The following CACNA2D3 variants were observed in gnomAD, a reference collection of about 807,000 sequenced individuals.
The protein encoded by CACNA2D3 is calcium voltage-gated channel auxiliary subunit alpha2delta 3, also known as voltage-dependent calcium channel subunit alpha-2/delta-3.
Under a neutral mutation model 160.6 loss-of-function variants are expected in CACNA2D3, and 60 were observed. The ratio of observed to expected loss-of-function variants is 0.37; its 90% CI spans 0.30 to 0.46. The LOEUF is 0.46. Among genes scored for constraint, CACNA2D3 ranks in the 20% least tolerant of loss-of-function variants. The probability of loss-of-function intolerance (pLI) is 1.00; values close to 1 mark genes in which losing one functional copy is unlikely to be tolerated. For missense variants in CACNA2D3, 1,205 were observed against 1,365.0 expected (o/e 0.88, Z 1.85); for synonymous variants, 558 against 492.9 (o/e 1.13, Z -1.75).
chr3:54,711,361 G>T (rs1169582175), intron 11 of CACNA2D3, among the ~76,000 whole-genome samples: 1 of 152,152 alleles, frequency 6.6e-6, no homozygotes, highest in Admixed American at 6.5e-5. Context: ...AGCAGTTCTG[G>T]AGCTGGCTAA....
chr3:54,774,346 G>A (rs560482113), intron 13 of CACNA2D3, among the ~76,000 whole-genome samples: 12 of 152,252 alleles, frequency 7.9e-5, no homozygotes, highest in Non-Finnish European at 1.3e-4. Flanking sequence ...TACAATCATC[G>A]TGGAAGGCAA....
rs371305782 is a variant in CACNA2D3, at chr3:54,702,891, C to G, written c.1168-49708C>G. 3.9e-5 allele frequency among the ~76,000 whole-genome samples: 6 copies of G among 152,286 alleles called. No homozygotes were observed. The East Asian group carries it at 5.8e-4, about 15-fold the overall frequency. Reference sequence around the variant, plus strand: ...GGTACATACACATCATGGAATACTACATAGCCATAAAAAGAATGAAATCAC... The same window carrying G: ...GGTACATACACATCATGGAATACTAGATAGCCATAAAAAGAATGAAATCAC... On this transcript the variant is annotated intron_variant, in intron 11 of 37. Transcript: ENST00000474759.
chr3:54,703,303 T>A (rs1207646399), intron 11 of CACNA2D3, among the ~76,000 whole-genome samples: 1 of 152,152 alleles, frequency 6.6e-6, no homozygotes, highest in Non-Finnish European at 1.5e-5. Context: ...CCACAGAGTT[T>A]ATTTGTATTA....
At chr3:55,063,188 C>T (rs2107223245) in intron 35 of CACNA2D3, among the ~76,000 whole-genome samples, 1 of 152,178 alleles carries the variant, frequency 6.6e-6, no homozygotes, top group East Asian at 1.9e-4. Flanking sequence ...GCTTGCTGGT[C>T]CCCGAACCAG....
At chr3:54,943,003 G>A (rs183901177) in intron 27 of CACNA2D3, among the ~76,000 whole-genome samples, 17 of 151,802 alleles carry the variant, frequency 1.1e-4, no homozygotes, top group African/African-American at 3.9e-4. Context: ...CAGCCTGGGC[G>A]ACAGAGCAAC....
At chr3:55,018,649 G>A (rs1032471798) in intron 35 of CACNA2D3, among the ~76,000 whole-genome samples, 2 of 151,838 alleles carry the variant, frequency 1.3e-5, no homozygotes, top group African/African-American at 2.4e-5. Flanking sequence ...ATGTCCTTAC[G>A]TATCTTTACT....
Position 54,942,597 on chromosome 3 carries a change from A to G in CACNA2D3, c.2450-25853A>G, listed in dbSNP as rs1317003637. 2.0e-5 allele frequency among the ~76,000 whole-genome samples: 3 copies of G among 152,284 alleles called. No individual in the cohort carries two copies. The East Asian group carries it at 5.8e-4, about 29-fold the overall frequency. On this transcript the variant is annotated intron_variant, in intron 27 of 37. Coordinates refer to ENST00000474759, the MANE Select transcript of CACNA2D3 (RefSeq NM_018398.3). ...GTGCTAAAGATGTTTTAAAAAGAAA[A>G]AGAAGCAGGAGCCAGGCATACTGGT...
rs569261250 is a variant in CACNA2D3 at position 54,871,523 on chromosome 3, T to G, written c.1627-16T>G. The G allele has an allele frequency of 9.2e-5, 147 of 1,598,138 alleles. No homozygotes were observed. Among genetic ancestry groups the G allele is most frequent in the Non-Finnish European group, 1.1e-4 (129 of 1,166,496 alleles). ...GACTTTTGTTTTTCTTTTCTTTTTC[T>G]TCTTCCCCTTGCTAGTACGAAGAAG... On this transcript the variant is annotated splice_polypyrimidine_tract_variant and intron_variant, in intron 17 of 37. Coordinates refer to ENST00000474759, the MANE Select transcript of CACNA2D3 (RefSeq NM_018398.3).
intron 2 of CACNA2D3, among the ~76,000 whole-genome samples, chr3:54,298,707 G>T (rs1337019865): frequency 6.6e-6 from 1 of 152,090 alleles, no homozygotes; most frequent in Non-Finnish European, 1.5e-5. Flanking sequence ...TCAGGAGGCT[G>T]AGGTGGGGGG....
At chr3:54,741,782 A>G (rs569821587) in intron 11 of CACNA2D3, among the ~76,000 whole-genome samples, 46 of 152,252 alleles carry the variant, frequency 3.0e-4, no homozygotes, top group African/African-American at 1.0e-3. Context: ...AAACCTTGAT[A>G]GCCAGTGAGA....
At chr3:54,860,119 G>A (rs1317653184) in intron 17 of CACNA2D3, among the ~76,000 whole-genome samples, 6 of 152,042 alleles carry the variant, frequency 3.9e-5, no homozygotes, top group Non-Finnish European at 5.9e-5. Flanking sequence ...CAGAAATGTG[G>A]CCAAGCAGAA....
At chr3:54,134,581 G>A (rs1225036896) in intron 2 of CACNA2D3, among the ~76,000 whole-genome samples, 1 of 152,168 alleles carries the variant, frequency 6.6e-6, no homozygotes, top group Non-Finnish European at 1.5e-5. Context: ...CCAACGCCAG[G>A]GTTTTATGAA....
At chr3:54,933,120 CT>C (rs1701244431) in intron 27 of CACNA2D3, among the ~76,000 whole-genome samples, 2 of 135,582 alleles carry the variant, frequency 1.5e-5, no homozygotes, top group Non-Finnish European at 3.2e-5. Flanking sequence ...TTCCTTCTTT[CT>C]GGACCTCTGC....
intron 2 of CACNA2D3, among the ~76,000 whole-genome samples, chr3:54,205,601 A>G (rs1191147172): frequency 6.6e-6 from 1 of 152,170 alleles, no homozygotes; most frequent in Non-Finnish European, 1.5e-5. Flanking sequence ...CTAAACCTTC[A>G]TTTACCACAA....
chr3:54,149,000 A>G (rs528808581), intron 2 of CACNA2D3, among the ~76,000 whole-genome samples: 9 of 149,884 alleles, frequency 6.0e-5, no homozygotes, highest in African/African-American at 2.2e-4. Context: ...AAAAAAATAG[A>G]CAACTCAAGC....
In CACNA2D3 at chr3:55,073,259, T is replaced by C. The variant is rs1704857020; in HGVS notation, c.2988-186T>C. 1.3e-5 allele frequency among the ~76,000 whole-genome samples: 2 copies of C among 152,186 alleles called. 1 individual carries two copies. The highest frequency in any genetic ancestry group is 4.1e-4 in the South Asian group (2 of 4,828). On this transcript the variant is annotated intron_variant, in intron 35 of 37. Transcript: ENST00000474759. ...GTCGTCATAGCTATTGTTGTTTTCCTAGTGAAGCTAGGTATTTGTAAGTGA... is the reference window on the plus strand; with the variant it reads ...GTCGTCATAGCTATTGTTGTTTTCCCAGTGAAGCTAGGTATTTGTAAGTGA...
intron 2 of CACNA2D3, among the ~76,000 whole-genome samples, chr3:54,263,648 A>G (rs191784330): frequency 3.3e-5 from 5 of 152,282 alleles, no homozygotes; most frequent in East Asian, 1.9e-4. Context: ...TGAGGGGCCA[A>G]CTGGGCTGGT....
intron 13 of CACNA2D3, among the ~76,000 whole-genome samples, chr3:54,790,999 C>T (rs550072608): frequency 3.9e-5 from 6 of 151,934 alleles, no homozygotes; most frequent in East Asian, 3.9e-4. Flanking sequence ...ATTGGCCTAT[C>T]GGTACTTCAT....
chr3:55,058,223 A>G (rs1448522456), intron 35 of CACNA2D3, among the ~76,000 whole-genome samples: 1 of 152,244 alleles, frequency 6.6e-6, no homozygotes, highest in East Asian at 1.9e-4. Context: ...ATAGCAGACT[A>G]CATGATTTGT....
Sources: gnomAD v4.1 joint callset for allele counts (sites outside exome capture counted in the v4.1 genomes callset) on GRCh38, gnomAD v4.1.1 for gene constraint, MANE v1.5 for transcripts, NCBI Gene and HGNC (gene_info 2026-07-23, HGNC 2026-07-21) for gene names.